SNX29: variants seen among roughly 807,000 people sequenced by gnomAD.
SNX29 encodes the protein sorting nexin-29.
In SNX29, 78 loss-of-function variants were observed where a neutral mutation model predicts 102.1. The observed-to-expected ratio is 0.76, with a 90% CI of 0.64 to 0.92. The LOEUF (loss-of-function observed/expected upper bound fraction) is 0.92. SNX29 is among the 40% of genes least tolerant of loss of function. SNX29 has a pLI of 0.00. For missense variants in SNX29, 1,280 were observed against 1,061.7 expected, an observed-to-expected ratio of 1.21 and a Z score of -2.86; for synonymous variants, 580 against 414.5, an observed-to-expected ratio of 1.40 and a Z score of -4.85.
intron 19 of SNX29, among the ~76,000 whole-genome samples, chr16:12,513,444 G>T (rs538597673): frequency 6.6e-6 from 1 of 150,732 alleles, no homozygotes; most frequent in South Asian, 2.1e-4. Flanking sequence ...TCTTCCCTGC[G>T]CTGCCTTCCT....
At chr16:12,180,828 G>T (rs182881772) in intron 13 of SNX29, among the ~76,000 whole-genome samples, 2 of 152,310 alleles carry the variant, frequency 1.3e-5, no homozygotes, top group East Asian at 3.9e-4. Flanking sequence ...AACTTTAGGA[G>T]AGAGGCGTGG....
intron 16 of SNX29, among the ~76,000 whole-genome samples, chr16:12,378,475 CTT>C (rs2082956981): frequency 6.6e-6 from 1 of 152,146 alleles, no homozygotes. Context: ...TATGGTGAAC[CTT>C]GTTTCTACTA....
Position 12,157,387 on chromosome 16 carries a change from C to T in SNX29, c.1595+27629C>T, listed in dbSNP as rs189477612. Reference sequence around the variant, plus strand: ...ACACTGGCCCTCCACAGCATGAGGGCGAGAGGTGAGCCGAGGGCAGGGGAC... The same window carrying T: ...ACACTGGCCCTCCACAGCATGAGGGTGAGAGGTGAGCCGAGGGCAGGGGAC... On this transcript the variant is annotated intron_variant, in intron 13 of 20. Transcript: ENST00000566228. Among the ~76,000 whole-genome samples the T allele has an allele frequency of 4.5e-4, 68 of 152,114 alleles. 1 individual carries two copies. The highest frequency in any genetic ancestry group is 1.6e-3 in the African/African-American group (67 of 41,508).
At chr16:12,313,606 A>G (rs2080635684) in intron 15 of SNX29, among the ~76,000 whole-genome samples, 1 of 152,092 alleles carries the variant, frequency 6.6e-6, no homozygotes, top group African/African-American at 2.4e-5. Flanking sequence ...CCCAGCTCTG[A>G]ATTCGGTGGT....
intron 20 of SNX29, among the ~76,000 whole-genome samples, chr16:12,563,750 C>T (rs555448308): frequency 1.3e-5 from 2 of 152,218 alleles, no homozygotes; most frequent in African/African-American, 2.4e-5. Flanking sequence ...TACCCAACAG[C>T]CACAACTTCT....
chr16:12,539,284 C>T (rs187813487), intron 20 of SNX29, among the ~76,000 whole-genome samples: 3 of 152,150 alleles, frequency 2.0e-5, no homozygotes, highest in East Asian at 3.9e-4. Context: ...CTGCACCCTC[C>T]CCCACCTCTA....
At chr16:12,187,671 C>T (rs2076544316) in intron 13 of SNX29, among the ~76,000 whole-genome samples, 5 of 143,634 alleles carry the variant, frequency 3.5e-5, no homozygotes. Flanking sequence ...TGCCTGTTCT[C>T]CCCCCAACCC....
rs2079203144 is a variant in SNX29 at position 12,572,248 on chromosome 16, T to C, written c.*3619T>C. ...CTGAAAGTCGTTTACACCAGGTGGA[T>C]TGATACCATGGCTGTAGCTGATGCA... is the stretch of plus-strand genomic sequence containing the variant. On this transcript the variant is annotated 3_prime_UTR_variant, in exon 21 of 21. Transcript: ENST00000566228. 4.8e-6 allele frequency: 5 copies of C among 1,050,998 alleles called. No homozygotes were observed. In the East Asian group the frequency reaches 2.0e-4, roughly 43 times the overall value. 65.1% of individuals were successfully genotyped at this position (1,050,998 alleles called of 1,614,324 possible).
At chr16:12,552,415 G>C (rs886142557) in intron 20 of SNX29, among the ~76,000 whole-genome samples, 2 of 152,304 alleles carry the variant, frequency 1.3e-5, no homozygotes, top group South Asian at 2.1e-4. Flanking sequence ...GTGAGGACGT[G>C]GTCAGTTCTT....
At chr16:12,543,201 A>G (rs1023705552) in intron 20 of SNX29, among the ~76,000 whole-genome samples, 2 of 152,210 alleles carry the variant, frequency 1.3e-5, no homozygotes, top group Non-Finnish European at 1.5e-5. Context: ...AATCATATTC[A>G]TCACGTTGCT....
Position 12,028,690 on chromosome 16 carries a change from T to A in SNX29, c.247+1246T>A, listed in dbSNP as rs1043410163. ...CAACAGTTCTTTTTTTTAAAAAAAT[T>A]ATTATTAAAATTATTTTATTGGTAC... is the stretch of plus-strand genomic sequence containing the variant. On this transcript the variant is annotated intron_variant, in intron 4 of 20. Coordinates refer to ENST00000566228, the MANE Select transcript of SNX29 (RefSeq NM_032167.5). Among the ~76,000 whole-genome samples, 24 of 151,770 alleles carry A rather than the reference T, an allele frequency of 1.6e-4. 1 individual carries two copies. Among genetic ancestry groups the A allele is most frequent in the Admixed American group, 6.6e-4 (10 of 15,250 alleles).
chr16:12,489,729 G>A (rs1567616455), intron 19 of SNX29, among the ~76,000 whole-genome samples: 1 of 152,164 alleles, frequency 6.6e-6, no homozygotes, highest in African/African-American at 2.4e-5. Context: ...CTCCCACATA[G>A]GCATGCTTGC....
chr16:12,501,944 A>G (rs541605581), intron 19 of SNX29, among the ~76,000 whole-genome samples: 50 of 152,166 alleles, frequency 3.3e-4, no homozygotes, highest in Non-Finnish European at 6.5e-4. Flanking sequence ...AGTGGATACC[A>G]GGGGACATGC....
intron 7 of SNX29, 31 bp downstream of exon 7, chr16:12,048,651 A>G (rs2050184828): frequency 6.2e-7 from 1 of 1,613,956 alleles, no homozygotes. Flanking sequence ...GAGGCGGAGC[A>G]GAGGGAATCA....
chr16:12,337,013 A>G (rs289673), intron 15 of SNX29, among the ~76,000 whole-genome samples: 66,577 of 152,116 alleles, frequency 0.44, 15,282 homozygotes, highest in South Asian at 0.71. Flanking sequence ...ACTGGGCATC[A>G]TTGAGCACCA....
intron 20 of SNX29, among the ~76,000 whole-genome samples, chr16:12,554,452 C>A (rs906280711): frequency 2.0e-5 from 3 of 152,224 alleles, no homozygotes; most frequent in Admixed American, 1.3e-4. Context: ...ACCTGCCATG[C>A]CAGGTCCATG....
At chr16:12,101,266 T>C (rs12918263) in intron 11 of SNX29, among the ~76,000 whole-genome samples, 24,379 of 148,694 alleles carry the variant, frequency 0.16, 2,223 homozygotes, top group Middle Eastern at 0.24. Flanking sequence ...CTTCTTCATC[T>C]GGGTGTCCTA....
intron 3 of SNX29, among the ~76,000 whole-genome samples, chr16:12,023,940 G>T (rs938946623): frequency 2.6e-4 from 40 of 152,144 alleles, no homozygotes; most frequent in South Asian, 2.1e-4. Flanking sequence ...TCCCTGACTG[G>T]AGAGACCATG....
chr16:12,555,037 C>T (rs536551830), intron 20 of SNX29, among the ~76,000 whole-genome samples: 10 of 151,794 alleles, frequency 6.6e-5, no homozygotes, highest in African/African-American at 1.9e-4. Context: ...CCTGGTGCCA[C>T]CGAGCAGCCT....
Sources: gnomAD v4.1 joint callset for allele counts (sites outside exome capture counted in the v4.1 genomes callset) on GRCh38, gnomAD v4.1.1 for gene constraint, MANE v1.5 for transcripts, NCBI Gene and HGNC (gene_info 2026-07-23, HGNC 2026-07-21) for gene names.